The following PCDHGB1 variants were observed in gnomAD, a reference collection of about 807,000 sequenced individuals.
PCDHGB1 encodes the protein protocadherin gamma-B1.
Under a neutral mutation model 56.6 loss-of-function variants are expected in PCDHGB1, and 34 were observed. The ratio of observed to expected loss-of-function variants is 0.60; its 90% confidence interval spans 0.46 to 0.80. The LOEUF is 0.80. PCDHGB1 is among the 30% of genes least tolerant of loss of function. The pLI is 0.00. For synonymous variants in PCDHGB1, 561 were observed against 505.9 expected (o/e 1.11, Z -1.46); for missense variants, 1,278 against 1,204.6 (o/e 1.06, Z -0.90).
At chr5:141,460,536 G>T (rs911670681) in intron 1 of PCDHGB1, among the ~76,000 whole-genome samples, 1 of 152,092 alleles carries the variant, frequency 6.6e-6, no homozygotes, top group African/African-American at 2.4e-5. Context: ...AATAATCTTA[G>T]CACCTTAATC....
intron 1 of PCDHGB1, chr5:141,427,531 A>C: frequency 1.6e-6 from 1 of 620,632 alleles, no homozygotes. Flanking sequence ...ATCCCGGAGT[A>C]CAACGTCACC....
chr5:141,385,507 AG>A, intron 1 of PCDHGB1: 1 of 1,376,812 alleles, frequency 7.3e-7, no homozygotes, highest in Non-Finnish European at 9.4e-7. Flanking sequence ...GTATTTCTTT[AG>A]TGAAAGCCTA....
intron 1 of PCDHGB1, among the ~76,000 whole-genome samples, chr5:141,397,615 C>A (rs2093545668): frequency 6.6e-6 from 1 of 152,144 alleles, no homozygotes; most frequent in Admixed American, 6.5e-5. Context: ...AAGGGCAATA[C>A]TTAGTTCTAG....
intron 1 of PCDHGB1, chr5:141,375,537 C>T: frequency 6.2e-7 from 1 of 1,614,048 alleles, no homozygotes; most frequent in Non-Finnish European, 8.5e-7. Context: ...GACCAGAACG[C>T]CCAAGTCTCC....
Position 141,352,689 on chromosome 5 carries a change from G to T in PCDHGB1, c.2409+20G>T, listed in dbSNP as rs889456769. On this transcript the variant is annotated intron_variant, in intron 1 of 3. Coordinates refer to ENST00000523390, the MANE Select transcript of PCDHGB1 (RefSeq NM_018922.3). Reference sequence around the variant, plus strand: ...TCGCACGTGAGTTTCTGCAAATCTAGTTAAATTTTATATATGGCGGCCGGG... The same window carrying T: ...TCGCACGTGAGTTTCTGCAAATCTATTTAAATTTTATATATGGCGGCCGGG... 1.3e-6 allele frequency: 2 copies of T among 1,560,488 alleles called. No individual in the cohort carries two copies. The highest frequency in any genetic ancestry group is 1.4e-5 in the African/African-American group (1 of 73,436).
Position 141,485,274 on chromosome 5 carries a change from C to A in PCDHGB1, c.2410-9533C>A. 1 of 1,614,106 alleles carries A rather than the reference C, an allele frequency of 6.2e-7. No homozygotes were observed. The highest frequency in any genetic ancestry group is 1.3e-5 in the African/African-American group (1 of 75,036). ...TACGTTTGTGGGCAGATCCGCTACC[C>A]GGTCCCAGAGGAGTCACAGGAAGGG... On this transcript the variant is annotated intron_variant, in intron 1 of 3. Transcript: ENST00000523390. The surrounding 1 kb of genome is among the most constrained non-coding windows in gnomAD (Gnocchi z 5.7).
rs563145930 is a variant in PCDHGB1 at position 141,392,984 on chromosome 5, GA to G, written c.2409+40317del. 408 of 1,613,914 alleles carry G rather than the reference GA, an allele frequency of 2.5e-4. 2 individuals carry two copies. In the African/African-American group the frequency reaches 4.6e-3, roughly 18 times the overall value. On this transcript the variant is annotated intron_variant, in intron 1 of 3. Transcript: ENST00000523390. The stretch of plus-strand genomic sequence containing the variant: ...CCAAGGACCTGGGGCTGGACCCCCG[GA>G]AGCTGGCGAAGCACGGAGTCCGTAT...
chr5:141,423,101 G>A (rs757127033), intron 1 of PCDHGB1: 3 of 1,613,966 alleles, frequency 1.9e-6, no homozygotes, highest in South Asian at 1.1e-5. Context: ...GAGCACACGG[G>A]CGAGGTGCGT....
intron 1 of PCDHGB1, chr5:141,393,555 C>T (rs1561643318): frequency 1.2e-6 from 2 of 1,613,808 alleles, no homozygotes; most frequent in Admixed American, 3.3e-5. Context: ...CCCGATTTAC[C>T]GAGTGAAAGT....
intron 1 of PCDHGB1, among the ~76,000 whole-genome samples, chr5:141,451,073 C>A (rs1346074089): frequency 6.6e-6 from 1 of 151,958 alleles, no homozygotes; most frequent in Non-Finnish European, 1.5e-5. Flanking sequence ...TGTGATCCAC[C>A]CACCTTGACC....
chr5:141,370,283 A>G (rs1275076013), intron 1 of PCDHGB1: 2 of 944,824 alleles, frequency 2.1e-6, no homozygotes, highest in Non-Finnish European at 3.1e-6. Flanking sequence ...CACCCATTAG[A>G]GAACCCAAGC....
intron 1 of PCDHGB1, chr5:141,374,356 C>T: frequency 1.2e-6 from 2 of 1,614,034 alleles, no homozygotes; most frequent in Non-Finnish European, 1.7e-6. Context: ...GTAGGATAGA[C>T]CGCGAGGAGC....
chr5:141,359,465 A>G lies in PCDHGB1; in HGVS notation c.2409+6796A>G, dbSNP rs577049017. Among the ~76,000 whole-genome samples the G allele has an allele frequency of 2.5e-3, 386 of 151,750 alleles. 1 individual carries two copies. The highest frequency in any genetic ancestry group is 8.7e-3 in the African/African-American group (360 of 41,298). ...CTTTTAGCAAATAACAATTTTGATT[A>G]AACAAATTGTTGTATATTCATATTA... On this transcript the variant is annotated intron_variant, in intron 1 of 3. Coordinates refer to ENST00000523390, the MANE Select transcript of PCDHGB1 (RefSeq NM_018922.3).
Position 141,431,363 on chromosome 5 carries a change from C to A in PCDHGB1, c.2410-63444C>A. ...ATTGGTGCTGAAACGCGCCCTGGAC[C>A]GCGAAGAAAAGGCTGCTCACCACCT... On this transcript the variant is annotated intron_variant, in intron 1 of 3. Transcript: ENST00000523390. The surrounding 1 kb of genome is among the most constrained non-coding windows in gnomAD (Gnocchi z 4.8). 1 of 1,614,024 alleles carries A rather than the reference C, an allele frequency of 6.2e-7. No homozygotes were observed. Among genetic ancestry groups the A allele is most frequent in the Non-Finnish European group, 8.5e-7 (1 of 1,180,028 alleles).
chr5:141,504,541 C>G (rs1050153403), intron 2 of PCDHGB1, among the ~76,000 whole-genome samples: 2 of 151,728 alleles, frequency 1.3e-5, no homozygotes, highest in Non-Finnish European at 2.9e-5. Context: ...GTCATCATGG[C>G]AAATGTTGGG....
rs1229102140 is a variant in PCDHGB1, at chr5:141,351,416, G to T, written c.1156G>T (p.Val386Phe). Residue 386 changes from valine to phenylalanine, a missense_variant, in exon 1 of 4, where the codon GTT becomes TTT. Coordinates refer to ENST00000523390, the MANE Select transcript of PCDHGB1 (RefSeq NM_018922.3). ...GMVTCYTQEEVPFKLESTSKN... is the reference protein window; with the variant it reads ...GMVTCYTQEEFPFKLESTSKN... ...GGTGACATGCTATACTCAGGAAGAA[G>T]TTCCTTTCAAATTAGAATCCACCTC... is the stretch of plus-strand genomic sequence containing the variant. The T allele has an allele frequency of 1.9e-6, 3 of 1,611,528 alleles. No individual in the cohort carries two copies. In the Admixed American group the frequency reaches 5.0e-5, roughly 27 times the overall value.
At chr5:141,428,407 T>C in intron 1 of PCDHGB1, 1 of 470,350 alleles carries the variant, frequency 2.1e-6, no homozygotes, top group South Asian at 2.0e-5. Context: ...CTGGGGTTGC[T>C]TTCACCCTGG....
At position 141,399,586 on chromosome 5, in the gene PCDHGB1, A is replaced by G. The variant is rs751097540; in HGVS notation, c.2409+46917A>G. The G allele has an allele frequency of 6.2e-6, 10 of 1,613,830 alleles. No individual in the cohort carries two copies. The East Asian group carries it at 1.3e-4, about 22-fold the overall frequency. Reference sequence around the variant, plus strand: ...GTTGAACGGCCAAGTCTCCTACTCTATCATGGCCAGCGACCTAGAGCCTCT... The same window carrying G: ...GTTGAACGGCCAAGTCTCCTACTCTGTCATGGCCAGCGACCTAGAGCCTCT... On this transcript the variant is annotated intron_variant, in intron 1 of 3. Coordinates refer to ENST00000523390, the MANE Select transcript of PCDHGB1 (RefSeq NM_018922.3).
chr5:141,370,916 T>C, intron 1 of PCDHGB1: 1 of 1,614,016 alleles, frequency 6.2e-7, no homozygotes, highest in Non-Finnish European at 8.5e-7. Context: ...ACCTCAGCCC[T>C]GATCCGCACT....
Sources: allele counts gnomAD v4.1 joint callset (sites outside exome capture counted in the v4.1 genomes callset), GRCh38; gene constraint gnomAD v4.1.1; non-coding constraint Gnocchi (gnomAD v3.1); transcripts MANE v1.5; gene names NCBI Gene and HGNC (gene_info 2026-07-23, HGNC 2026-07-21).